The following KLHL32 variants were observed in gnomAD, a reference collection of about 807,000 sequenced individuals.
The protein encoded by KLHL32 is kelch-like protein 32.
KLHL32 carries 35 observed loss-of-function variants against 64.8 expected under a neutral mutation model. The ratio of observed to expected loss-of-function variants is 0.54; its 90% confidence interval spans 0.41 to 0.72. The LOEUF (loss-of-function observed/expected upper bound fraction) is 0.72, where lower values mean the gene tolerates loss of function less well. Among genes scored for constraint, KLHL32 ranks in the 30% least tolerant of loss-of-function variants. The pLI is 0.00. For synonymous variants in KLHL32, 259 were observed against 281.0 expected (o/e 0.92, Z 0.78); for missense variants, 589 against 768.5 (o/e 0.77, Z 2.76).
chr6:97,047,865 TA>T (rs1786174261), intron 4 of KLHL32, among the ~76,000 whole-genome samples: 2 of 152,136 alleles, frequency 1.3e-5, no homozygotes, highest in African/African-American at 4.8e-5. Flanking sequence ...GCTTGGAAAG[TA>T]GAACTTCCAG....
At chr6:96,977,258 A>G (rs1010116789) in intron 3 of KLHL32, among the ~76,000 whole-genome samples, 2 of 152,214 alleles carry the variant, frequency 1.3e-5, no homozygotes, top group Admixed American at 6.5e-5. Context: ...AAACAATAAC[A>G]AAGACTAAGT....
chr6:96,950,831 A>T (rs1772484877), intron 1 of KLHL32, among the ~76,000 whole-genome samples: 1 of 152,212 alleles, frequency 6.6e-6, no homozygotes, highest in East Asian at 1.9e-4. Context: ...GGCATTTCAC[A>T]TATGACTCTT....
At chr6:96,949,318 G>C (rs1047316220) in intron 1 of KLHL32, among the ~76,000 whole-genome samples, 1 of 143,592 alleles carries the variant, frequency 7.0e-6, no homozygotes, top group African/African-American at 2.6e-5. Flanking sequence ...CTCCAGCTCT[G>C]ATATTCTAGT....
chr6:96,960,315 C>T (rs74378018), intron 1 of KLHL32, among the ~76,000 whole-genome samples: 10,000 of 152,124 alleles, frequency 0.066, 338 homozygotes, highest in South Asian at 0.12. Flanking sequence ...TCTCGTTTAC[C>T]GTACTTTTCC....
intron 4 of KLHL32, among the ~76,000 whole-genome samples, chr6:97,044,159 C>A (rs1010874948): frequency 1.3e-5 from 2 of 151,970 alleles, no homozygotes; most frequent in African/African-American, 4.8e-5. Flanking sequence ...TATTGATATA[C>A]ATTCTTTCTA....
At chr6:97,126,389 C>CA (rs1001636111) in intron 7 of KLHL32, among the ~76,000 whole-genome samples, 2 of 150,566 alleles carry the variant, frequency 1.3e-5, no homozygotes, top group African/African-American at 4.9e-5. Flanking sequence ...AAACTTAAAG[C>CA]AAAATGAATA....
rs1787453942 is a variant in KLHL32, at chr6:97,054,354, A to G, written c.313-10274A>G. ...TTCTCAAATTTAGATTCATTAATTC[A>G]GCAAATACTTAATGAACACCTACTA... is the stretch of plus-strand genomic sequence containing the variant. On this transcript the variant is annotated intron_variant, in intron 4 of 10. Coordinates refer to ENST00000369261, the MANE Select transcript of KLHL32 (RefSeq NM_052904.4). 2.0e-5 allele frequency among the ~76,000 whole-genome samples: 3 copies of G among 152,218 alleles called. No individual in the cohort carries two copies. In the South Asian group the frequency reaches 6.2e-4, roughly 32 times the overall value.
intron 7 of KLHL32, among the ~76,000 whole-genome samples, chr6:97,115,845 C>A (rs190466769): frequency 6.6e-6 from 1 of 152,256 alleles, no homozygotes; most frequent in East Asian, 1.9e-4. Context: ...TTAAGAATAA[C>A]CCTGATGTTT....
intron 3 of KLHL32, among the ~76,000 whole-genome samples, chr6:97,002,015 C>T (rs1395359153): frequency 6.6e-6 from 1 of 152,146 alleles, no homozygotes; most frequent in Non-Finnish European, 1.5e-5. Context: ...AAAGAACTGG[C>T]TTACATGATT....
chr6:97,087,708 C>CA (rs1336027126), intron 6 of KLHL32, among the ~76,000 whole-genome samples: 2 of 152,200 alleles, frequency 1.3e-5, no homozygotes, highest in African/African-American at 4.8e-5. Flanking sequence ...CACACTTACG[C>CA]AGGTGGCTCT....
chr6:97,038,810 C>T (rs183892558), intron 3 of KLHL32, among the ~76,000 whole-genome samples: 2 of 151,930 alleles, frequency 1.3e-5, no homozygotes, highest in Non-Finnish European at 2.9e-5. Flanking sequence ...GGGCTGGGTG[C>T]AGTAGCTCAC....
At chr6:97,081,512 C>A (rs1297493783) in intron 5 of KLHL32, among the ~76,000 whole-genome samples, 2 of 152,170 alleles carry the variant, frequency 1.3e-5, no homozygotes, top group Non-Finnish European at 2.9e-5. Flanking sequence ...ATGGAGAATA[C>A]AGAAATAAAA....
At chr6:97,130,457 A>G (rs1003886775) in intron 8 of KLHL32, among the ~76,000 whole-genome samples, 6 of 152,228 alleles carry the variant, frequency 3.9e-5, no homozygotes, top group African/African-American at 1.4e-4. Context: ...ATTGGGTGAG[A>G]TAAACATCAT....
chr6:96,969,988 G>A (rs1047964036), intron 2 of KLHL32, among the ~76,000 whole-genome samples: 3 of 152,250 alleles, frequency 2.0e-5, no homozygotes, highest in Middle Eastern at 6.8e-3. Flanking sequence ...GAAATATCAA[G>A]TTGTATAAGC....
intron 1 of KLHL32, among the ~76,000 whole-genome samples, chr6:96,964,370 A>G (rs1360720125): frequency 6.6e-6 from 1 of 152,196 alleles, no homozygotes; most frequent in Non-Finnish European, 1.5e-5. Context: ...AAACAAATAT[A>G]TGGTCGGGCG....
chr6:96,982,249 A>G (rs1345353701), intron 3 of KLHL32, among the ~76,000 whole-genome samples: 1 of 152,150 alleles, frequency 6.6e-6, no homozygotes, highest in Non-Finnish European at 1.5e-5. Flanking sequence ...TTGCGTGAAT[A>G]TATGTTTAGT....
At chr6:97,006,654 C>G (rs964899379) in intron 3 of KLHL32, among the ~76,000 whole-genome samples, 1 of 152,162 alleles carries the variant, frequency 6.6e-6, no homozygotes, top group Non-Finnish European at 1.5e-5. Flanking sequence ...ATGGTTAGCA[C>G]TCTTTTAAGG....
intron 6 of KLHL32, among the ~76,000 whole-genome samples, chr6:97,100,653 T>C (rs1277119907): frequency 6.6e-6 from 1 of 152,178 alleles, no homozygotes; most frequent in Non-Finnish European, 1.5e-5. Flanking sequence ...TACCACTTGT[T>C]TGAGGGATCT....
intron 7 of KLHL32, among the ~76,000 whole-genome samples, chr6:97,121,266 A>G (rs936373263): frequency 6.6e-6 from 1 of 152,212 alleles, no homozygotes; most frequent in South Asian, 2.1e-4. Context: ...CACACAGGTT[A>G]CCAGTTGTTT....
Sources: gnomAD v4.1 joint callset for allele counts (sites outside exome capture counted in the v4.1 genomes callset) on GRCh38, gnomAD v4.1.1 for gene constraint, MANE v1.5 for transcripts, NCBI Gene and HGNC (gene_info 2026-07-23, HGNC 2026-07-21) for gene names.